Variants in DCDC2 observed in about 807,000 individuals in gnomAD.
DCDC2 encodes doublecortin domain-containing protein 2.
A neutral mutation model predicts 50.2 loss-of-function variants in DCDC2; 40 were observed. The observed-to-expected ratio is 0.80, with a 90% CI of 0.62 to 1.04. DCDC2 has a LOEUF of 1.04. DCDC2 is among the 50% of genes least tolerant of loss of function. DCDC2 has a pLI of 0.00. For synonymous variants in DCDC2, 234 were observed against 210.6 expected, an observed-to-expected ratio of 1.11 and a Z score of -0.96; for missense variants, 570 against 581.9, an observed-to-expected ratio of 0.98 and a Z score of 0.21.
At chr6:24,272,074 G>A (rs531034558) in intron 7 of DCDC2, among the ~76,000 whole-genome samples, 5 of 152,082 alleles carry the variant, frequency 3.3e-5, no homozygotes, top group Middle Eastern at 3.4e-3. Flanking sequence ...AAGAGGGCAG[G>A]ATATAAAAAG....
At chr6:24,179,953 CAAAAAAA>C (rs56376644) in intron 8 of DCDC2, among the ~76,000 whole-genome samples, 1 of 85,984 alleles carries the variant, frequency 1.2e-5, no homozygotes, top group African/African-American at 4.7e-5. Context: ...GACTCCATCT[CAAAAAAA>C]AAAAAAAAAA....
rs751396384 is a variant in DCDC2, at chr6:24,178,338, G to T, written c.1318C>A (p.Gln440Lys). Residue 440 changes from glutamine to lysine, a missense_variant, in exon 9 of 10, where the codon CAA becomes AAA. Physicochemically the swap from Gln to Lys is moderately conservative, Grantham distance 53. Coordinates refer to ENST00000378454, the MANE Select transcript of DCDC2 (RefSeq NM_016356.5). ...AAAAGCAATAGAAATACCTCATCTT[G>T]TCCACTGCCAGCTCCTTGAGACTTT... is the stretch of plus-strand genomic sequence containing the variant. ...ERKSQGAGSG[Q>K]DEADVDPQRP... 1 of 1,613,184 alleles carries T rather than the reference G, an allele frequency of 6.2e-7. No individual in the cohort carries two copies. The highest frequency in any genetic ancestry group is 8.5e-7 in the Non-Finnish European group (1 of 1,179,378).
At chr6:24,194,009 C>A (rs1321885431) in intron 8 of DCDC2, among the ~76,000 whole-genome samples, 3 of 151,948 alleles carry the variant, frequency 2.0e-5, no homozygotes, top group African/African-American at 7.2e-5. Context: ...TAATTAAAAT[C>A]ATTTTTAAAA....
intron 2 of DCDC2, among the ~76,000 whole-genome samples, chr6:24,349,111 G>T (rs927230952): frequency 6.6e-6 from 1 of 152,194 alleles, no homozygotes; most frequent in African/African-American, 2.4e-5. Flanking sequence ...GACATGAGGT[G>T]CAGGAATGAA....
At chr6:24,240,967 T>C (rs566513639) in intron 7 of DCDC2, among the ~76,000 whole-genome samples, 1 of 152,342 alleles carries the variant, frequency 6.6e-6, no homozygotes, top group Non-Finnish European at 1.5e-5. Flanking sequence ...GATACTGATA[T>C]CAAGGCAATC....
chr6:24,277,778 G>A (rs1763391939), intron 7 of DCDC2, among the ~76,000 whole-genome samples: 1 of 151,398 alleles, frequency 6.6e-6, no homozygotes, highest in Admixed American at 6.6e-5. Context: ...AGCAATATCA[G>A]TGGGAGCAGA....
chr6:24,351,180 A>G (rs905047543), intron 2 of DCDC2, among the ~76,000 whole-genome samples: 2 of 152,222 alleles, frequency 1.3e-5, no homozygotes, highest in South Asian at 2.1e-4. Flanking sequence ...CAAGAACCCA[A>G]AAACCTTTCT....
intron 7 of DCDC2, among the ~76,000 whole-genome samples, chr6:24,215,773 G>A (rs1470498768): frequency 1.3e-5 from 2 of 152,240 alleles, no homozygotes; most frequent in African/African-American, 4.8e-5. Flanking sequence ...CCCGGCTGAG[G>A]GGGCGGCACT....
chr6:24,375,857 G>T, the DCDC2 span, among the ~76,000 whole-genome samples: 1 of 152,172 alleles, frequency 6.6e-6, no homozygotes, highest in African/African-American at 2.4e-5. Flanking sequence ...GTAAGAGGAA[G>T]AAGGAAGGGA....
chr6:24,339,347 C>T (rs2127246595), intron 2 of DCDC2, among the ~76,000 whole-genome samples: 1 of 152,236 alleles, frequency 6.6e-6, no homozygotes, highest in East Asian at 1.9e-4. Context: ...ACGGCCCCAT[C>T]TTCTCCACTA....
chr6:24,317,540 A>C (rs1302687375), intron 2 of DCDC2, among the ~76,000 whole-genome samples: 1 of 152,106 alleles, frequency 6.6e-6, no homozygotes. Flanking sequence ...AAATCATACA[A>C]GTACTAAAAG....
intron 6 of DCDC2, among the ~76,000 whole-genome samples, chr6:24,283,134 G>A (rs1036849587): frequency 6.6e-6 from 1 of 152,084 alleles, no homozygotes; most frequent in African/African-American, 2.4e-5. Context: ...TCCGATAGAG[G>A]GTGCTATGAT....
intron 2 of DCDC2, among the ~76,000 whole-genome samples, chr6:24,335,637 G>C (rs116394689): frequency 2.0e-5 from 3 of 152,058 alleles, no homozygotes; most frequent in Admixed American, 1.3e-4. Context: ...CCCAAAACTA[G>C]GTAATTTGTA....
At chr6:24,208,443 T>C (rs1430778082) in intron 7 of DCDC2, among the ~76,000 whole-genome samples, 1 of 139,802 alleles carries the variant, frequency 7.2e-6, no homozygotes, top group African/African-American at 2.7e-5. Context: ...CAATCTCCGC[T>C]CACCGCAAGC....
chr6:24,181,623 G>A (rs548886363), intron 8 of DCDC2, among the ~76,000 whole-genome samples: 31 of 152,334 alleles, frequency 2.0e-4, no homozygotes, highest in African/African-American at 7.5e-4. Flanking sequence ...GAGTTAGCCA[G>A]TGAGGTGAAA....
chr6:24,301,074 A>C (rs2113837376), intron 4 of DCDC2, among the ~76,000 whole-genome samples: 1 of 150,738 alleles, frequency 6.6e-6, no homozygotes, highest in South Asian at 2.1e-4. Context: ...ACGGACAATT[A>C]AGAGTTAAGA....
chr6:24,188,534 AG>A (rs1382737543), intron 8 of DCDC2, among the ~76,000 whole-genome samples: 2 of 152,262 alleles, frequency 1.3e-5, no homozygotes, highest in Admixed American at 6.5e-5. Context: ...TAAATCAGAA[AG>A]GTTTTTTTAT....
At chr6:24,224,741 C>T (rs1422197796) in intron 7 of DCDC2, among the ~76,000 whole-genome samples, 1 of 152,200 alleles carries the variant, frequency 6.6e-6, no homozygotes, top group Non-Finnish European at 1.5e-5. Context: ...AGTCTGCTCT[C>T]AGCTACCAGC....
At chr6:24,364,748 A>C in the DCDC2 span, among the ~76,000 whole-genome samples, 2 of 152,160 alleles carry the variant, frequency 1.3e-5, no homozygotes, top group Admixed American at 1.3e-4. Context: ...AAAAAAAAAA[A>C]AGTACAGTCC....
Sources: gnomAD v4.1 joint callset for allele counts (sites outside exome capture counted in the v4.1 genomes callset) on GRCh38, gnomAD v4.1.1 for gene constraint, MANE v1.5 for transcripts, NCBI Gene and HGNC (gene_info 2026-07-23, HGNC 2026-07-21) for gene names.